Variants in ZNF420 observed in about 807,000 individuals in gnomAD.
ZNF420 encodes the protein zinc finger protein 420.
In ZNF420, 31 loss-of-function variants were observed where a neutral mutation model predicts 44.7. The observed-to-expected ratio is 0.69, with a 90% CI of 0.52 to 0.94. ZNF420 has a LOEUF of 0.94. ZNF420 is among the 40% of genes least tolerant of loss of function. ZNF420 has a pLI of 0.00. For synonymous variants in ZNF420, 245 were observed against 267.4 expected (o/e 0.92, Z 0.82); for missense variants, 681 against 827.9 (o/e 0.82, Z 2.18).
intron 1 of ZNF420, among the ~76,000 whole-genome samples, chr19:37,048,685 A>C (rs1967584100): frequency 6.6e-6 from 1 of 152,122 alleles, no homozygotes; most frequent in African/African-American, 2.4e-5. Context: ...CCACAATGTC[A>C]CACTCTTTTT....
At chr19:37,113,810 G>A (rs1418547021) in intron 4 of ZNF420, among the ~76,000 whole-genome samples, 4 of 152,102 alleles carry the variant, frequency 2.6e-5, no homozygotes, top group Admixed American at 2.0e-4. Context: ...TGGAGGATTG[G>A]CAGCCCTATT....
At chr19:37,104,062 T>A (rs1969933747) in intron 4 of ZNF420, among the ~76,000 whole-genome samples, 1 of 151,734 alleles carries the variant, frequency 6.6e-6, no homozygotes, top group African/African-American at 2.4e-5. Flanking sequence ...ACATGTGCCA[T>A]GTTGGTGTAC....
At chr19:37,126,990 G>GTAT (rs10627240) in intron 4 of ZNF420, 138 bp from the exon 5 acceptor site, 284,828 of 597,034 alleles carry the variant, frequency 0.48, 71,016 homozygotes, top group African/African-American at 0.61. Context: ...TGAAAGGTAG[G>GTAT]TATTATATGT....
At position 37,091,954 on chromosome 19, in the gene ZNF420, C is replaced by A. The variant is rs73023542; in HGVS notation, c.136+833C>A. ...CAAAAAACAAAAAAAAAAGAACTTG[C>A]ATTGGACATTGAATGAATATGCTAG... On this transcript the variant is annotated intron_variant, in intron 4 of 4. Transcript: ENST00000337995. 8.2e-3 allele frequency: 1,224 copies of A among 148,512 alleles called. 9 individuals carry two copies. Among genetic ancestry groups the A allele is most frequent in the Non-Finnish European group, 0.014 (910 of 67,318 alleles). 9.2% of individuals were successfully genotyped at this position (148,512 alleles called of 1,614,324 possible). A position where few individuals can be genotyped will look rare whatever the true frequency, so the allele number is the denominator to read the frequency against.
intron 1 of ZNF420, among the ~76,000 whole-genome samples, chr19:37,055,382 G>A (rs954813063): frequency 1.3e-5 from 2 of 152,112 alleles, no homozygotes; most frequent in Admixed American, 1.3e-4. Context: ...AACCCCAGCC[G>A]GCGACCTGAA....
At position 37,126,983 on chromosome 19, in the gene ZNF420, AAGGT is replaced by A. The variant is rs1971376772; in HGVS notation, c.137-139_137-136del. 9.3e-6 allele frequency: 5 copies of A among 535,984 alleles called. No homozygotes were observed. The South Asian group carries it at 1.6e-4, about 17-fold the overall frequency. 33.2% of individuals were successfully genotyped at this position (535,984 alleles called of 1,614,324 possible). On this transcript the variant is annotated intron_variant, in intron 4 of 4. Coordinates refer to ENST00000337995, the MANE Select transcript of ZNF420 (RefSeq NM_144689.5). ...ATATATATAGTAGGTTGTGATGTGA[AAGGT>A]AGGTATTATATGTCATAATAATCAA...
chr19:37,013,539 A>T (rs1258256662), intron 1 of ZNF420, among the ~76,000 whole-genome samples: 1 of 151,922 alleles, frequency 6.6e-6, no homozygotes, highest in Non-Finnish European at 1.5e-5. Flanking sequence ...ATGCAGAGTC[A>T]CGGAGAAGCA....
At chr19:37,107,007 C>T (rs1490577933) in intron 4 of ZNF420, 1 of 152,058 alleles carries the variant, frequency 6.6e-6, no homozygotes, top group Non-Finnish European at 1.5e-5. Flanking sequence ...CTCCTCCAGC[C>T]CTAAGGTGGT....
chr19:37,091,076 T>C lies in ZNF420; in HGVS notation c.91T>C (p.Tyr31His), dbSNP rs1483888727. ...CCTGGACTCTGCTCAGAGAGATTTGTATAGAGATGTGATGTTGGAGAACTA... is the reference window on the plus strand; with the variant it reads ...CCTGGACTCTGCTCAGAGAGATTTGCATAGAGATGTGATGTTGGAGAACTA... ...ECLDSAQRDL[Y>H]RDVMLENYSN... The change falls in exon 4 of 5, where the codon TAT becomes CAT. Residue 31 changes from tyrosine (Y) to histidine (H), a missense_variant. Physicochemically the swap from Tyr to His is moderately conservative, Grantham distance 83. This residue lies in a region of ZNF420 where 350 missense variants were observed against 382.5 expected (regional missense o/e 0.92). Coordinates refer to ENST00000337995, the MANE Select transcript of ZNF420 (RefSeq NM_144689.5). 1 of 1,609,210 alleles carries C rather than the reference T, an allele frequency of 6.2e-7. No individual in the cohort carries two copies.
At chr19:37,046,798 C>T (rs1382330331) in intron 1 of ZNF420, among the ~76,000 whole-genome samples, 1 of 152,104 alleles carries the variant, frequency 6.6e-6, no homozygotes. Flanking sequence ...TATGATTGAT[C>T]CAATTTTGTG....
At chr19:37,118,939 A>C (rs1287401245) in intron 4 of ZNF420, among the ~76,000 whole-genome samples, 1 of 152,250 alleles carries the variant, frequency 6.6e-6, no homozygotes, top group Non-Finnish European at 1.5e-5. Context: ...ATATATATGC[A>C]TCCGATACAG....
intron 1 of ZNF420, among the ~76,000 whole-genome samples, chr19:37,050,390 A>C (rs1318664590): frequency 6.6e-6 from 1 of 151,878 alleles, no homozygotes; most frequent in Non-Finnish European, 1.5e-5. Flanking sequence ...CTTTTATTTC[A>C]TTGAGCAGTG....
chr19:37,128,918 T>C lies in ZNF420; in HGVS notation c.1927T>C (p.Tyr643His), dbSNP rs1568484887. The stretch of plus-strand genomic sequence containing the variant: ...GAGAATTCATACTGGTGAGAAACCA[T>C]ATCAATGTAAGGAATGTGGGAAGGC... The part of the protein sequence containing the change: ...HQRIHTGEKP[Y>H]QCKECGKAFT... Residue 643 changes from tyrosine (Y) to histidine (H), a missense_variant, in exon 5 of 5, where the codon TAT (tyrosine) becomes CAT (histidine). Tyr to His is a moderately conservative substitution (Grantham distance 83). Around this residue, in one of 3 missense-constraint regions of ZNF420, gnomAD observed 280 missense variants for 338.6 expected, o/e 0.83. Transcript: ENST00000337995. 6 of 1,613,980 alleles carry C rather than the reference T, an allele frequency of 3.7e-6. No individual in the cohort carries two copies. The highest frequency in any genetic ancestry group is 3.3e-5 in the Admixed American group (2 of 60,004).
At chr19:37,032,660 C>T (rs1396742058) in intron 1 of ZNF420, among the ~76,000 whole-genome samples, 2 of 152,036 alleles carry the variant, frequency 1.3e-5, no homozygotes, top group Non-Finnish European at 2.9e-5. Flanking sequence ...CAACAATTTG[C>T]CAGGAGTGGT....
chr19:37,022,862 G>A (rs750627981), intron 1 of ZNF420, among the ~76,000 whole-genome samples: 12 of 152,190 alleles, frequency 7.9e-5, no homozygotes, highest in Non-Finnish European at 1.5e-4. Context: ...ATGGGGGCAG[G>A]CGCGGTGGCT....
intron 1 of ZNF420, among the ~76,000 whole-genome samples, chr19:37,029,047 G>A (rs1442890318): frequency 6.6e-6 from 1 of 152,098 alleles, no homozygotes; most frequent in Non-Finnish European, 1.5e-5. Flanking sequence ...ATTGATTATC[G>A]ATGCAGCAAC....
intron 1 of ZNF420, among the ~76,000 whole-genome samples, chr19:37,036,948 G>A (rs1368637482): frequency 2.0e-5 from 3 of 152,346 alleles, no homozygotes; most frequent in Non-Finnish European, 2.9e-5. Context: ...ATTCTTTGGT[G>A]CTCTGCACGA....
intron 1 of ZNF420, among the ~76,000 whole-genome samples, chr19:37,030,149 G>T (rs1967230761): frequency 1.3e-5 from 2 of 151,956 alleles, no homozygotes; most frequent in Admixed American, 1.3e-4. Context: ...GTGGTTCTCT[G>T]TTTTTGTTGT....
At chr19:37,037,625 T>A (rs1967381154) in intron 1 of ZNF420, among the ~76,000 whole-genome samples, 1 of 152,192 alleles carries the variant, frequency 6.6e-6, no homozygotes. Flanking sequence ...TCCAGGCTCC[T>A]GTTTCAGGTG....
Sources: gnomAD v4.1 joint callset for allele counts (sites outside exome capture counted in the v4.1 genomes callset) on GRCh38, gnomAD v4.1.1 for gene constraint, gnomAD v4.1.1 regional missense constraint, MANE v1.5 for transcripts, NCBI Gene and HGNC (gene_info 2026-07-23, HGNC 2026-07-21) for gene names.